The following SARDH variants were observed in gnomAD, a reference collection of about 807,000 sequenced individuals.
SARDH encodes the protein sarcosine dehydrogenase, also known as sarcosine dehydrogenase, mitochondrial.
In SARDH, 95 loss-of-function variants were observed where a neutral mutation model predicts 109.1. The observed-to-expected ratio is 0.87, with a 90% CI of 0.74 to 1.03. SARDH has a LOEUF of 1.03. Among genes scored for constraint, SARDH ranks in the 50% least tolerant of loss-of-function variants. The pLI is 0.00. For synonymous variants in SARDH, 572 were observed against 534.8 expected (o/e 1.07, Z -0.96); for missense variants, 1,267 against 1,287.8 (o/e 0.98, Z 0.25).
At chr9:133,679,908 C>T (rs146753525) in intron 17 of SARDH, among the ~76,000 whole-genome samples, 188 of 152,350 alleles carry the variant, frequency 1.2e-3, no homozygotes, top group African/African-American at 4.2e-3. Flanking sequence ...CATCGGCCCT[C>T]ACAACTGCTT....
chr9:133,716,891 C>T (rs1832143186), intron 8 of SARDH, among the ~76,000 whole-genome samples: 1 of 152,180 alleles, frequency 6.6e-6, no homozygotes. Context: ...AGAACTGGGA[C>T]TCACAGCTGT....
At chr9:133,668,168 G>GCT (rs1465396681) in intron 19 of SARDH, among the ~76,000 whole-genome samples, 5 of 151,804 alleles carry the variant, frequency 3.3e-5, no homozygotes, top group Non-Finnish European at 7.4e-5. Flanking sequence ...CCCCTCTCCA[G>GCT]GAGCTGAGCT....
chr9:133,732,478 C>G lies in SARDH; in HGVS notation c.455G>C (p.Gly152Ala), dbSNP rs781407774. ...GLHTGWIQNG[G>A]LFIASNRQRL... Reference sequence around the variant, plus strand: ...CTGCCGGTTGGACGCGATGAAGAGGCCCCCATTCTGGATCCAGCCCGTGTG... The same window carrying G: ...CTGCCGGTTGGACGCGATGAAGAGGGCCCCATTCTGGATCCAGCCCGTGTG... Residue 152 changes from glycine (G) to alanine (A), a missense_variant, in exon 3 of 21, where the codon GGC becomes GCC. Coordinates refer to ENST00000439388, the MANE Select transcript of SARDH (RefSeq NM_001134707.2). 7.5e-6 allele frequency: 12 copies of G among 1,595,372 alleles called. No homozygotes were observed. In the East Asian group the frequency reaches 2.3e-4, roughly 31 times the overall value.
intron 16 of SARDH, among the ~76,000 whole-genome samples, chr9:133,689,519 G>A (rs1831016183): frequency 6.6e-6 from 1 of 152,172 alleles, no homozygotes; most frequent in East Asian, 1.9e-4. Context: ...CTGAGCACAA[G>A]GGGGACGCAT....
chr9:133,731,168 CAG>C (rs979391884), intron 4 of SARDH, 135 bp downstream of exon 4: 124 of 1,127,320 alleles, frequency 1.1e-4, no homozygotes, highest in Non-Finnish European at 1.4e-4. Context: ...CCAGAAGGCT[CAG>C]AGAGGTCCTC....
chr9:133,663,991 G>A lies in SARDH; in HGVS notation c.2655C>T (p.Ser885=), dbSNP rs773489444. The change falls in exon 21 of 21, where the codon AGC becomes AGT. Residue 885 remains serine, a synonymous_variant. Coordinates refer to ENST00000439388, the MANE Select transcript of SARDH (RefSeq NM_001134707.2). ...CCATTCTCTCCAGGGCATAGTCCCC[G>A]CTCTTCACAAAGTCCAGCGAGACCT... The part of the protein sequence containing the change: ...GGPVSLDFVK[S]GDYALERMGV... The A allele has an allele frequency of 1.1e-5, 17 of 1,614,026 alleles. No individual in the cohort carries two copies. Among genetic ancestry groups the A allele is most frequent in the Admixed American group, 8.3e-5 (5 of 59,992 alleles).
In SARDH at chr9:133,703,377, G is replaced by GCCCAGCCCCTGCTCTGGGCCAGC. The variant is rs1231502025; in HGVS notation, c.1555-349_1555-348insGCTGGCCCAGAGCAGGGGCTGGG. 5 of 332,220 alleles carry GCCCAGCCCCTGCTCTGGGCCAGC rather than the reference G, an allele frequency of 1.5e-5. No homozygotes were observed. In the South Asian group the frequency reaches 2.0e-4, roughly 14 times the overall value. The allele number at this position is 332,220 out of a possible 1,614,324, so 20.6% of individuals were successfully genotyped here. On this transcript the variant is annotated intron_variant, in intron 12 of 20. Coordinates refer to ENST00000439388, the MANE Select transcript of SARDH (RefSeq NM_001134707.2). ...CTCCCTGGAGCCACGGCAATCCCAG[G>GCCCAGCCCCTGCTCTGGGCCAGC]CCCAGCTCCTGCTCTGGGCCAGCCC...
chr9:133,666,861 G>C lies in SARDH; in HGVS notation c.2505C>G (p.Pro835=), dbSNP rs2131314606. 6.2e-7 allele frequency: 1 copy of C among 1,612,680 alleles called. No homozygotes were observed. The highest frequency in any genetic ancestry group is 1.1e-5 in the South Asian group (1 of 90,798). ...LVCFTMEDKV[P]MFGLEAIWRN... ...TCCAGATGGCCTCCAGGCCAAACAT[G>C]GGTACTTTGCTGGAAGAAGCAGTAG... Residue 835 remains proline, a synonymous_variant, in exon 20 of 21, where the codon CCC becomes CCG. Transcript: ENST00000439388. This position sits in a 1 kb window ranked among gnomAD's most constrained non-coding sequence, Gnocchi z 5.2.
chr9:133,662,064 G>A (rs1253927012), downstream of SARDH, among the ~76,000 whole-genome samples: 1 of 152,006 alleles, frequency 6.6e-6, no homozygotes, highest in Non-Finnish European at 1.5e-5. The surrounding 1 kb of genome is among the most constrained non-coding windows in gnomAD (Gnocchi z 5.1). Context: ...AGTTGTGGAG[G>A]CTGCGCTCAC....
intron 17 of SARDH, among the ~76,000 whole-genome samples, chr9:133,674,913 G>A (rs186841661): frequency 2.6e-4 from 39 of 152,276 alleles, no homozygotes; most frequent in Non-Finnish European, 5.1e-4. Flanking sequence ...ATCGAAGGAC[G>A]CTAACAAAGA....
chr9:133,730,577 A>G (rs1041762554), intron 4 of SARDH, among the ~76,000 whole-genome samples: 1 of 151,394 alleles, frequency 6.6e-6, no homozygotes. Flanking sequence ...TATTTTGCAT[A>G]CATATATATT....
At chr9:133,670,017 C>G (rs1020949715) in intron 19 of SARDH, among the ~76,000 whole-genome samples, 1 of 152,178 alleles carries the variant, frequency 6.6e-6, no homozygotes, top group Non-Finnish European at 1.5e-5. Context: ...GCCCCAGGTG[C>G]GCAACCTTAC....
At chr9:133,695,457 C>G (rs1317942259) in intron 14 of SARDH, among the ~76,000 whole-genome samples, 1 of 152,020 alleles carries the variant, frequency 6.6e-6, no homozygotes, top group African/African-American at 2.4e-5. Flanking sequence ...CAAAACAAAA[C>G]AAAAAAGAGA....
At position 133,729,721 on chromosome 9, in the gene SARDH, G is replaced by A. The variant is rs1359345835; in HGVS notation, c.915+44C>T. On this transcript the variant is annotated intron_variant, in intron 6 of 20. Transcript: ENST00000439388. ...AGCTGGGATTCAGAGCCAGGTCTCT[G>A]TGCCCCCCACAGACTGACACAGAAC... 6 of 1,555,944 alleles carry A rather than the reference G, an allele frequency of 3.9e-6. No homozygotes were observed. The African/African-American group carries it at 8.1e-5, about 21-fold the overall frequency.
Position 133,666,967 on chromosome 9 carries a change from C to A in SARDH, c.2496-97G>T. ...GGAGAATGGGGGGCTGCATGATGCA[C>A]ACCCAACCGTGGCTCCAGGCAGATA... On this transcript the variant is annotated intron_variant, in intron 19 of 20. Transcript: ENST00000439388. The surrounding 1 kb of genome is among the most constrained non-coding windows in gnomAD (Gnocchi z 5.2). 6.6e-7 allele frequency: 1 copy of A among 1,518,134 alleles called. No homozygotes were observed. The highest frequency in any genetic ancestry group is 1.2e-5 in the South Asian group (1 of 84,530). 94.0% of individuals were successfully genotyped at this position (1,518,134 alleles called of 1,614,324 possible).
chr9:133,709,805 G>C lies in SARDH; in HGVS notation c.1329-1377C>G, dbSNP rs2131438996. On this transcript the variant is annotated intron_variant, in intron 10 of 20. Coordinates refer to ENST00000439388, the MANE Select transcript of SARDH (RefSeq NM_001134707.2). This position sits in a 1 kb window ranked among gnomAD's most constrained non-coding sequence, Gnocchi z 4.2. ...CCCAAGATTAACTCTTTCACGCAGG[G>C]GGAAACTGAGGCTCGGAAGGGTCTC... is the stretch of plus-strand genomic sequence containing the variant. Among the ~76,000 whole-genome samples, 1 of 152,230 alleles carries C rather than the reference G, an allele frequency of 6.6e-6. No individual in the cohort carries two copies. The highest frequency in any genetic ancestry group is 6.5e-5 in the Admixed American group (1 of 15,286).
Position 133,709,503 on chromosome 9 carries a change from A to C in SARDH, c.1329-1075T>G. Among the ~76,000 whole-genome samples the C allele has an allele frequency of 6.6e-6, 1 of 151,588 alleles. No homozygotes were observed. Among genetic ancestry groups the C allele is most frequent in the Non-Finnish European group, 1.5e-5 (1 of 67,922 alleles). ...TCCACCTGCTAGAACCTCACTCATC[A>C]CTCAAGGCTGCCTCAGCAGCCACAT... On this transcript the variant is annotated intron_variant, in intron 10 of 20. Coordinates refer to ENST00000439388, the MANE Select transcript of SARDH (RefSeq NM_001134707.2). This position sits in a 1 kb window ranked among gnomAD's most constrained non-coding sequence, Gnocchi z 4.2.
chr9:133,710,118 A>G (rs1233448760), intron 10 of SARDH, among the ~76,000 whole-genome samples: 1 of 152,246 alleles, frequency 6.6e-6, no homozygotes, highest in Non-Finnish European at 1.5e-5. Flanking sequence ...CTGGTCCCCA[A>G]GGAATTTCCC....
Position 133,670,694 on chromosome 9 carries a change from C to T in SARDH, c.2385G>A (p.Leu795=), listed in dbSNP as rs777146849. Residue 795 remains leucine (L), a synonymous_variant, in exon 19 of 21, where the codon CTG becomes CTA. Coordinates refer to ENST00000439388, the MANE Select transcript of SARDH (RefSeq NM_001134707.2). ...RPDDSPLEAG[L]AFTCKLKSPV... is the part of the protein sequence containing the mutation. ...GCGACTTGAGCTTGCAGGTGAAGGC[C>T]AGGCCTGCCTCCAGGGGGCTGTCGT... 4 of 1,607,726 alleles carry T rather than the reference C, an allele frequency of 2.5e-6. No individual in the cohort carries two copies. The highest frequency in any genetic ancestry group is 4.5e-5 in the East Asian group (2 of 44,818).
Sources: gnomAD v4.1 joint callset for allele counts (sites outside exome capture counted in the v4.1 genomes callset) on GRCh38, gnomAD v4.1.1 for gene constraint, Gnocchi (gnomAD v3.1) non-coding constraint, MANE v1.5 for transcripts, NCBI Gene and HGNC (gene_info 2026-07-23, HGNC 2026-07-21) for gene names.